Variants in TIAM1 observed in about 807,000 individuals in gnomAD.
TIAM1 encodes TIAM Rac1 associated GEF 1, also known as rho guanine nucleotide exchange factor TIAM1.
In TIAM1, 65 loss-of-function variants were observed where a neutral mutation model predicts 163.5. The ratio of observed to expected loss-of-function variants is 0.40; its 90% CI spans 0.33 to 0.49. TIAM1 has a LOEUF of 0.49. TIAM1 is among the 20% of genes least tolerant of loss of function. The pLI is 0.77. For synonymous variants in TIAM1, 833 were observed against 810.1 expected, an observed-to-expected ratio of 1.03 and a Z score of -0.48; for missense variants, 1,789 against 2,044.7, an observed-to-expected ratio of 0.87 and a Z score of 2.41.
At chr21:31,456,987 C>G (rs1018039969) in intron 2 of TIAM1, among the ~76,000 whole-genome samples, 26 of 152,214 alleles carry the variant, frequency 1.7e-4, no homozygotes, top group African/African-American at 5.5e-4. Context: ...CAGATTCCTT[C>G]TATTTCTTTT....
intron 6 of TIAM1, among the ~76,000 whole-genome samples, chr21:31,243,110 T>G (rs2071286687): frequency 6.7e-6 from 1 of 148,324 alleles, no homozygotes; most frequent in African/African-American, 2.5e-5. Flanking sequence ...GAGAATTGCT[T>G]GAACGTGGGA....
At chr21:31,483,344 G>T (rs907811108) in intron 1 of TIAM1, among the ~76,000 whole-genome samples, 1 of 152,192 alleles carries the variant, frequency 6.6e-6, no homozygotes, top group African/African-American at 2.4e-5. Flanking sequence ...AAAAGACAGA[G>T]TGGGTCTCGT....
At chr21:31,189,307 G>A (rs1034070180) in intron 13 of TIAM1, among the ~76,000 whole-genome samples, 7 of 151,762 alleles carry the variant, frequency 4.6e-5, no homozygotes, top group Non-Finnish European at 1.0e-4. Flanking sequence ...CACCTGCCTC[G>A]GCTTCCCAAA....
In TIAM1 at chr21:31,428,994, C is replaced by CTTTG. The variant is rs376708387; in HGVS notation, c.-369+34985_-369+34988dup. 3.9e-3 allele frequency among the ~76,000 whole-genome samples: 595 copies of CTTTG among 151,840 alleles called. 3 individuals are homozygous for CTTTG. The highest frequency in any genetic ancestry group is 0.017 in the Middle Eastern group (5 of 292). On this transcript the variant is annotated intron_variant, in intron 2 of 28. Coordinates refer to the TIAM1 transcript ENST00000286827. Reference sequence around the variant, plus strand: ...TGGTGGCAGAATTGATACAACCTAACTTTGTTTGTTTGTTTGTTTGTTTAA... The same window carrying CTTTG: ...TGGTGGCAGAATTGATACAACCTAACTTTGTTTGTTTGTTTGTTTGTTTGTTTAA...
Position 31,324,247 on chromosome 21 carries a change from T to A in TIAM1, c.-189+14996A>T, listed in dbSNP as rs372639801. 6.6e-5 allele frequency among the ~76,000 whole-genome samples: 10 copies of A among 151,808 alleles called. No homozygotes were observed. In the South Asian group the frequency reaches 1.3e-3, roughly 19 times the overall value. ...CTCAATTCAGTGGACAGACTGTGGG[T>A]GGATACTGTAAAGGAGAATCACTTG... On this transcript the variant is annotated intron_variant, in intron 2 of 27. Transcript: ENST00000541036.
chr21:31,172,838 G>C (rs2084581116), intron 15 of TIAM1, among the ~76,000 whole-genome samples: 2 of 151,858 alleles, frequency 1.3e-5, no homozygotes, highest in Non-Finnish European at 2.9e-5. Flanking sequence ...CTGCACTCTA[G>C]CATGGGTGAC....
chr21:31,453,524 T>C (rs2044957133), intron 2 of TIAM1, among the ~76,000 whole-genome samples: 1 of 151,772 alleles, frequency 6.6e-6, no homozygotes, highest in African/African-American at 2.4e-5. Flanking sequence ...CGAAACTCCA[T>C]GTCTACAAAA....
rs117649085 is a variant in TIAM1, at chr21:31,146,366, G to A, written c.3475+529C>T. 1.9e-3 allele frequency among the ~76,000 whole-genome samples: 281 copies of A among 144,982 alleles called. 1 individual carries two copies. The highest frequency in any genetic ancestry group is 3.1e-3 in the Non-Finnish European group (205 of 66,626). ...GAAGAATCGCTTGACCTGGGAGGTGGAGGTTCCAGCCCAAGTGACAGAGCA... is the reference window on the plus strand; with the variant it reads ...GAAGAATCGCTTGACCTGGGAGGTGAAGGTTCCAGCCCAAGTGACAGAGCA... On this transcript the variant is annotated intron_variant, in intron 20 of 27. Transcript: ENST00000541036.
At chr21:31,237,937 A>G (rs2070979413) in intron 6 of TIAM1, among the ~76,000 whole-genome samples, 2 of 152,212 alleles carry the variant, frequency 1.3e-5, no homozygotes, top group South Asian at 4.1e-4. Flanking sequence ...AAGTTGAAGG[A>G]AAGAACTTAA....
Position 31,223,495 on chromosome 21 carries a change from G to A in TIAM1, c.1906C>T (p.Pro636Ser). Reference protein sequence around the residue: ...ASLQGGELPNPKRLLAFASRP... With the variant: ...ASLQGGELPNSKRLLAFASRP... ...CTTGCAAAAGCGAGAAGCCTTTTGG[G>A]GTTTGGCAGCTCCCCACCCTGAAGG... Residue 636 changes from proline (P) to serine (S), a missense_variant, in exon 8 of 28, where the codon CCC becomes TCC. Physicochemically the swap from Pro to Ser is moderately conservative, Grantham distance 74. This residue lies in a region of TIAM1 where 456 missense variants were observed against 586.6 expected (regional missense o/e 0.78). Transcript: ENST00000541036. 1 of 1,613,864 alleles carries A rather than the reference G, an allele frequency of 6.2e-7. No homozygotes were observed. The highest frequency in any genetic ancestry group is 8.5e-7 in the Non-Finnish European group (1 of 1,179,896).
At chr21:31,433,040 T>A (rs186461394) in intron 2 of TIAM1, among the ~76,000 whole-genome samples, 1 of 152,342 alleles carries the variant, frequency 6.6e-6, no homozygotes, top group East Asian at 1.9e-4. Flanking sequence ...GGTATGTCTT[T>A]ATCCAACATT....
intron 6 of TIAM1, among the ~76,000 whole-genome samples, chr21:31,244,265 C>A (rs1229241301): frequency 6.6e-6 from 1 of 152,192 alleles, no homozygotes; most frequent in Non-Finnish European, 1.5e-5. Context: ...TAAATGATTT[C>A]TTTCCTCTAT....
chr21:31,507,059 G>T (rs2047052711), intron 1 of TIAM1, among the ~76,000 whole-genome samples: 1 of 151,998 alleles, frequency 6.6e-6, no homozygotes, highest in African/African-American at 2.4e-5. Context: ...ATGTGCGTGG[G>T]TATGCAAATA....
At position 31,223,424 on chromosome 21, in the gene TIAM1, T is replaced by C. The variant is rs758826421; in HGVS notation, c.1977A>G (p.Val659=). ...TACTCACCAGGGCATGAAACGATGA[T>C]ACCGAAAAGATTCCAAGGCGGCCCA... ...VAMGRLGIFS[V]SSFHALVAAR... Residue 659 remains valine (V), a synonymous_variant, in exon 8 of 28, where the codon GTA becomes GTG. Coordinates refer to ENST00000541036, the MANE Select transcript of TIAM1 (RefSeq NM_001353694.2). 4 of 1,612,768 alleles carry C rather than the reference T, an allele frequency of 2.5e-6. No homozygotes were observed. The highest frequency in any genetic ancestry group is 3.4e-6 in the Non-Finnish European group (4 of 1,179,346).
intron 2 of TIAM1, among the ~76,000 whole-genome samples, chr21:31,292,416 C>A (rs936662178): frequency 6.7e-5 from 10 of 149,630 alleles, no homozygotes; most frequent in African/African-American, 2.5e-4. Flanking sequence ...GTGGCCTAGG[C>A]TGGAGTGCAG....
chr21:31,508,390 T>C lies in TIAM1; in HGVS notation c.-421-44355A>G, dbSNP rs201645138. Among the ~76,000 whole-genome samples the C allele has an allele frequency of 3.0e-4, 36 of 120,416 alleles. 1 individual carries two copies. The highest frequency in any genetic ancestry group is 4.8e-4 in the Admixed American group (5 of 10,310). The allele number at this position is 120,416 out of a possible 152,430, so 79.0% of individuals were successfully genotyped here. ...CTAGGTTTTCATATTGAAATTTCTT[T>C]TTTTTTTTTTTTTTTGAGACAGAAT... On this transcript the variant is annotated intron_variant, in intron 1 of 28. Coordinates refer to the TIAM1 transcript ENST00000286827.
At chr21:31,429,696 T>TCCCTTG (rs1292908190) in intron 2 of TIAM1, among the ~76,000 whole-genome samples, 2 of 152,038 alleles carry the variant, frequency 1.3e-5, no homozygotes, top group Non-Finnish European at 2.9e-5. Flanking sequence ...CCTCCCACAG[T>TCCCTTG]CCCTTGGGCT....
intron 2 of TIAM1, among the ~76,000 whole-genome samples, chr21:31,289,081 A>G (rs555992845): frequency 6.6e-6 from 1 of 152,374 alleles, no homozygotes; most frequent in South Asian, 2.1e-4. Context: ...AAGCATGCCC[A>G]AGTGCCACTT....
intron 1 of TIAM1, among the ~76,000 whole-genome samples, chr21:31,548,910 A>G (rs982481235): frequency 6.6e-6 from 1 of 152,170 alleles, no homozygotes; most frequent in Non-Finnish European, 1.5e-5. Context: ...CTCTCTAGCC[A>G]TGACAACCAA....
Sources: gnomAD v4.1 joint callset for allele counts (sites outside exome capture counted in the v4.1 genomes callset) on GRCh38, gnomAD v4.1.1 for gene constraint, gnomAD v4.1.1 regional missense constraint, MANE v1.5 for transcripts, NCBI Gene and HGNC (gene_info 2026-07-23, HGNC 2026-07-21) for gene names.